Variants in TTBK2 observed in about 807,000 individuals in gnomAD.
The protein encoded by TTBK2 is tau-tubulin kinase 2.
Under a neutral mutation model 110.8 loss-of-function variants are expected in TTBK2, and 28 were observed. The observed-to-expected ratio is 0.25, with a 90% CI of 0.19 to 0.35. TTBK2 has a LOEUF of 0.35. TTBK2 is among the 10% of genes least tolerant of loss of function. The probability of loss-of-function intolerance (pLI) is 1.00; values close to 1 mark genes in which losing one functional copy is unlikely to be tolerated. For missense variants in TTBK2, 1,369 were observed against 1,500.3 expected, an observed-to-expected ratio of 0.91 and a Z score of 1.45; for synonymous variants, 532 against 527.3, an observed-to-expected ratio of 1.01 and a Z score of -0.12.
chr15:42,863,386 T>C (rs1235379539), intron 3 of TTBK2, among the ~76,000 whole-genome samples: 2 of 152,094 alleles, frequency 1.3e-5, no homozygotes, highest in Admixed American at 1.3e-4. Context: ...AAAAGATCTC[T>C]ACAAGGAGAA....
chr15:42,809,312 T>C (rs190735473), intron 9 of TTBK2, among the ~76,000 whole-genome samples: 132 of 152,366 alleles, frequency 8.7e-4, no homozygotes, highest in African/African-American at 3.1e-3. Flanking sequence ...TAGGAGAATG[T>C]CCAACTGAAA....
chr15:42,768,499 C>G (rs142354785), intron 13 of TTBK2, among the ~76,000 whole-genome samples: 4,192 of 152,262 alleles, frequency 0.028, 178 homozygotes, highest in African/African-American at 0.087. Flanking sequence ...TGAGTGAACT[C>G]CCATTCACAA....
intron 1 of TTBK2, among the ~76,000 whole-genome samples, chr15:42,886,474 T>C (rs1187030192): frequency 6.6e-6 from 1 of 152,216 alleles, no homozygotes; most frequent in Non-Finnish European, 1.5e-5. Flanking sequence ...GGCCAGTTCA[T>C]GGCCCGTTTG....
chr15:42,804,008 CAAAAAAAAA>C (rs781131720), intron 9 of TTBK2, among the ~76,000 whole-genome samples: 2 of 51,066 alleles, frequency 3.9e-5, no homozygotes, highest in Non-Finnish European at 4.8e-5. Flanking sequence ...GCGAGGAGTG[CAAAAAAAAA>C]AAAAAAAAAA....
rs73413005 is a variant in TTBK2, at chr15:42,809,732, T to C, written c.822+882A>G. Among the ~76,000 whole-genome samples the C allele has an allele frequency of 5.4e-3, 822 of 152,270 alleles. 11 individuals carry two copies. Among genetic ancestry groups the C allele is most frequent in the African/African-American group, 0.019 (806 of 41,558 alleles). ...AGAAGACAAACTCACCAATTTAAGGTCTCTAAGGACTCAAGGCTGTATGTT... is the reference window on the plus strand; with the variant it reads ...AGAAGACAAACTCACCAATTTAAGGCCTCTAAGGACTCAAGGCTGTATGTT... On this transcript the variant is annotated intron_variant, in intron 9 of 14. Transcript: ENST00000267890.
At chr15:42,769,053 G>A (rs1889531073) in intron 13 of TTBK2, among the ~76,000 whole-genome samples, 1 of 152,198 alleles carries the variant, frequency 6.6e-6, no homozygotes, top group Admixed American at 6.5e-5. Context: ...AAACTGGCTA[G>A]CCATATGTAG....
intron 7 of TTBK2, among the ~76,000 whole-genome samples, chr15:42,812,244 C>T (rs984604482): frequency 6.6e-6 from 1 of 152,074 alleles, no homozygotes; most frequent in African/African-American, 2.4e-5. Context: ...ACCCCACCCC[C>T]ACCATATAGC....
rs529167737 is a variant in TTBK2 at position 42,878,129 on chromosome 15, A to G, written c.69+420T>C. On this transcript the variant is annotated intron_variant, in intron 2 of 14. Transcript: ENST00000267890. ...AGCTGGGACTACAGGCGCCTGCACC[A>G]CGCCCAGCTAATTTTTTTTGCTTTT... is the stretch of plus-strand genomic sequence containing the variant. Among the ~76,000 whole-genome samples the G allele has an allele frequency of 4.8e-5, 7 of 147,056 alleles. No homozygotes were observed. In the East Asian group the frequency reaches 1.4e-3, roughly 29 times the overall value.
At chr15:42,891,118 C>T (rs1895438256) in intron 1 of TTBK2, among the ~76,000 whole-genome samples, 1 of 151,744 alleles carries the variant, frequency 6.6e-6, no homozygotes, top group African/African-American at 2.4e-5. Context: ...AGGTGATCCA[C>T]CCACCTCGGC....
chr15:42,794,509 G>C (rs184493856), intron 10 of TTBK2, 135 bp downstream of exon 10: 1 of 1,214,920 alleles, frequency 8.2e-7, no homozygotes, highest in East Asian at 2.4e-5. Flanking sequence ...TAAGAGCAAT[G>C]TTAATTCGAG....
Position 42,794,401 on chromosome 15 carries a change from T to C in TTBK2, c.980+243A>G, listed in dbSNP as rs537211791. On this transcript the variant is annotated intron_variant, in intron 10 of 14. Transcript: ENST00000267890. ...ATTTTGAAGAATACCCATTATAAATTTGATATCAACAAGTCACATAAGCTC... is the reference window on the plus strand; with the variant it reads ...ATTTTGAAGAATACCCATTATAAATCTGATATCAACAAGTCACATAAGCTC... Among the ~76,000 whole-genome samples, 8 of 152,300 alleles carry C rather than the reference T, an allele frequency of 5.3e-5. 1 individual carries two copies. The highest frequency in any genetic ancestry group is 6.5e-5 in the Admixed American group (1 of 15,300).
intron 1 of TTBK2, among the ~76,000 whole-genome samples, chr15:42,898,042 T>C (rs1011143024): frequency 3.3e-5 from 5 of 151,898 alleles, no homozygotes; most frequent in African/African-American, 1.2e-4. Context: ...GTATAAAAAA[T>C]TAGCCAGGTG....
chr15:42,871,859 G>C lies in TTBK2; in HGVS notation c.217+752C>G, dbSNP rs551943016. On this transcript the variant is annotated intron_variant, in intron 3 of 14. Coordinates refer to ENST00000267890, the MANE Select transcript of TTBK2 (RefSeq NM_173500.4). ...CTGGCATCATTCTCTAATCAAATGA[G>C]CCAACTGGTAGAGAAACTTGGATAC... is the stretch of plus-strand genomic sequence containing the variant. Among the ~76,000 whole-genome samples, 3 of 152,254 alleles carry C rather than the reference G, an allele frequency of 2.0e-5. No homozygotes were observed. In the East Asian group the frequency reaches 5.8e-4, roughly 29 times the overall value.
chr15:42,820,853 T>C (rs1253746924), intron 6 of TTBK2, among the ~76,000 whole-genome samples: 1 of 151,648 alleles, frequency 6.6e-6, no homozygotes. Context: ...AAAAAAAGAA[T>C]TAAAGAATTA....
Position 42,815,958 on chromosome 15 carries a change from A to ATATATATATAT in TTBK2, c.603+1073_603+1074insATATATATATA, listed in dbSNP as rs1555427627. Among the ~76,000 whole-genome samples, 136 of 91,682 alleles carry ATATATATATAT rather than the reference A, an allele frequency of 1.5e-3. 3 individuals carry two copies. The highest frequency in any genetic ancestry group is 5.9e-3 in the South Asian group (17 of 2,902). 60.1% of individuals were successfully genotyped at this position (91,682 alleles called of 152,430 possible). ...TATATATATATATATTTAAAAAAAA[A>ATATATATATAT]ATATATATATATATATATATTTGAG... On this transcript the variant is annotated intron_variant, in intron 7 of 14. Coordinates refer to ENST00000267890, the MANE Select transcript of TTBK2 (RefSeq NM_173500.4).
At chr15:42,748,412 G>C (rs2061823825) in intron 14 of TTBK2, among the ~76,000 whole-genome samples, 1 of 151,854 alleles carries the variant, frequency 6.6e-6, no homozygotes, top group Middle Eastern at 3.4e-3. Context: ...AGCCGGGATC[G>C]CACCACTGCA....
rs752502755 is a variant in TTBK2 at position 42,746,151 on chromosome 15, G to C, written c.3379C>G (p.Gln1127Glu). The C allele has an allele frequency of 6.2e-7, 1 of 1,614,186 alleles. No individual in the cohort carries two copies. Among genetic ancestry groups the C allele is most frequent in the East Asian group, 2.2e-5 (1 of 44,890 alleles). Residue 1127 changes from glutamine (Q) to glutamate (E), a missense_variant, in exon 15 of 15, where the codon CAG becomes GAG. Coordinates refer to ENST00000267890, the MANE Select transcript of TTBK2 (RefSeq NM_173500.4). ...TGAGGAGATCCTGGACTCTTGCACT[G>C]AGTAGTGCTCCGGGGTTTCTGAGAT... ...NGSQKPRSTT[Q>E]CKSPGSPHNP...
chr15:42,810,547 TACA>T, intron 9 of TTBK2, 64 bp downstream of exon 9: 3 of 1,596,862 alleles, frequency 1.9e-6, no homozygotes, highest in Non-Finnish European at 2.6e-6. Flanking sequence ...CCTTCAAAGC[TACA>T]ATGAGTGAAA....
intron 13 of TTBK2, among the ~76,000 whole-genome samples, chr15:42,756,374 T>A (rs185195551): frequency 1.3e-5 from 2 of 152,116 alleles, no homozygotes; most frequent in Admixed American, 1.3e-4. Flanking sequence ...TCATCTGAAG[T>A]CAGGAGTTCA....
Sources: gnomAD v4.1 joint callset for allele counts (sites outside exome capture counted in the v4.1 genomes callset) on GRCh38, gnomAD v4.1.1 for gene constraint, MANE v1.5 for transcripts, NCBI Gene and HGNC (gene_info 2026-07-23, HGNC 2026-07-21) for gene names.